Variants in EFNB2 observed in about 807,000 individuals in gnomAD.
EFNB2 encodes ephrin B2.
A neutral mutation model predicts 32.1 loss-of-function variants in EFNB2; 5 were observed. That is an observed-to-expected ratio of 0.16 (90% CI 0.08 to 0.33). The LOEUF is 0.33. Among genes scored for constraint, EFNB2 ranks in the 10% least tolerant of loss-of-function variants. The pLI is 1.00. For missense variants in EFNB2, 263 were observed against 422.6 expected (o/e 0.62, Z 3.31); for synonymous variants, 168 against 166.5 (o/e 1.01, Z -0.07).
intron 2 of EFNB2, among the ~76,000 whole-genome samples, chr13:106,501,097 C>T (rs979598849): frequency 6.6e-6 from 1 of 152,156 alleles, no homozygotes; most frequent in African/African-American, 2.4e-5. Flanking sequence ...TCAATTCAAA[C>T]TATGTACTCT....
In EFNB2 at chr13:106,493,469, C is replaced by G; in HGVS notation, c.614-41G>C. The stretch of plus-strand genomic sequence containing the variant: ...CAGAAAAGGTCAGAGATAGTTACTG[C>G]TGTCCCAGTGCAGACGGACTGCTTT... On this transcript the variant is annotated intron_variant, in intron 4 of 4. Transcript: ENST00000646441. This position sits in a 1 kb window ranked among gnomAD's most constrained non-coding sequence, Gnocchi z 6.1. 1 of 1,572,418 alleles carries G rather than the reference C, an allele frequency of 6.4e-7. No homozygotes were observed.
intron 1 of EFNB2, 47 bp downstream of exon 1, chr13:106,534,796 G>A (rs995546976): frequency 6.4e-7 from 1 of 1,571,960 alleles, no homozygotes; most frequent in Non-Finnish European, 8.6e-7. Flanking sequence ...CGGACGGCGC[G>A]GCGGACCCCG....
intron 2 of EFNB2, chr13:106,506,174 C>T (rs991518747): frequency 6.6e-6 from 1 of 152,188 alleles, no homozygotes; most frequent in African/African-American, 2.4e-5. Context: ...AGAAACAACG[C>T]TTCGAATTAT....
chr13:106,514,045 A>T (rs1879233408), intron 1 of EFNB2, among the ~76,000 whole-genome samples: 1 of 152,200 alleles, frequency 6.6e-6, no homozygotes, highest in African/African-American at 2.4e-5. Context: ...ACATAACAGA[A>T]ATCATACTAT....
intron 1 of EFNB2, chr13:106,516,376 A>T (rs1879312300): frequency 1.3e-5 from 2 of 152,218 alleles, no homozygotes; most frequent in Non-Finnish European, 2.9e-5. Context: ...AACCACTAAT[A>T]ATACAAACAC....
chr13:106,501,651 G>GGT (rs1432711813), intron 2 of EFNB2, among the ~76,000 whole-genome samples: 2 of 151,146 alleles, frequency 1.3e-5, no homozygotes, highest in Non-Finnish European at 2.9e-5. Flanking sequence ...GGAGTGCAGT[G>GGT]GTGTGATCTT....
At chr13:106,522,456 CTT>C (rs970590694) in intron 1 of EFNB2, among the ~76,000 whole-genome samples, 17 of 152,326 alleles carry the variant, frequency 1.1e-4, no homozygotes, top group African/African-American at 3.8e-4. Flanking sequence ...CTGGTTCTCT[CTT>C]GTTTTAGATA....
chr13:106,523,826 A>T (rs923768355), intron 1 of EFNB2, among the ~76,000 whole-genome samples: 1 of 152,204 alleles, frequency 6.6e-6, no homozygotes, highest in Admixed American at 6.5e-5. Flanking sequence ...GCTGGCACGG[A>T]TCCCAAAATC....
intron 1 of EFNB2, among the ~76,000 whole-genome samples, chr13:106,523,317 C>T (rs939551817): frequency 6.6e-6 from 1 of 152,148 alleles, no homozygotes; most frequent in Non-Finnish European, 1.5e-5. Flanking sequence ...ATAGAAACAG[C>T]GCTCCACTGT....
rs1878532808 is a variant in EFNB2, at chr13:106,494,739, C to T, written c.613+142G>A. ...ATTGAGTGTAATTAATAATGACTCA[C>T]TGACAGCAAAGATTCCTGATCACTG... On this transcript the variant is annotated intron_variant, in intron 4 of 4. Coordinates refer to ENST00000646441, the MANE Select transcript of EFNB2 (RefSeq NM_004093.4). 4 of 644,956 alleles carry T rather than the reference C, an allele frequency of 6.2e-6. No individual in the cohort carries two copies. In the Admixed American group the frequency reaches 1.1e-4, roughly 17 times the overall value. The allele number at this position is 644,956 out of a possible 1,614,324, so 40.0% of individuals were successfully genotyped here.
chr13:106,500,525 T>C, intron 2 of EFNB2, among the ~76,000 whole-genome samples: 1 of 152,192 alleles, frequency 6.6e-6, no homozygotes, highest in South Asian at 2.1e-4. Flanking sequence ...AGCAAGTATT[T>C]GTATCAACTC....
intron 2 of EFNB2, among the ~76,000 whole-genome samples, chr13:106,505,807 T>C (rs1415210750): frequency 6.6e-6 from 1 of 152,230 alleles, no homozygotes; most frequent in South Asian, 2.1e-4. Context: ...GATACCAAGA[T>C]ACATTTTATG....
At chr13:106,522,678 CCAT>C (rs1230989410) in intron 1 of EFNB2, among the ~76,000 whole-genome samples, 2 of 143,552 alleles carry the variant, frequency 1.4e-5, no homozygotes, top group Non-Finnish European at 3.1e-5. Context: ...TTCCTTCCTA[CCAT>C]CATATTTTTT....
intron 1 of EFNB2, among the ~76,000 whole-genome samples, chr13:106,531,298 A>T (rs1879864123): frequency 6.6e-6 from 1 of 152,248 alleles, no homozygotes; most frequent in African/African-American, 2.4e-5. Flanking sequence ...GCTTTAGCTT[A>T]GTCTTTGTGC....
At position 106,492,591 on chromosome 13, in the gene EFNB2, G is replaced by A. The variant is rs544622156; in HGVS notation, c.*449C>T. The A allele has an allele frequency of 1.2e-4, 20 of 168,298 alleles. No individual in the cohort carries two copies. Among genetic ancestry groups the A allele is most frequent in the African/African-American group, 3.6e-4 (15 of 42,190 alleles). The allele number at this position is 168,298 out of a possible 1,614,324, so 10.4% of individuals were successfully genotyped here. ...GATCTTTGCACACCTTAACTAGCCC[G>A]AGGTCCGTGTGACAAGTCCGGTATG... is the stretch of plus-strand genomic sequence containing the variant. On this transcript the variant is annotated 3_prime_UTR_variant, in exon 5 of 5. Coordinates refer to ENST00000646441, the MANE Select transcript of EFNB2 (RefSeq NM_004093.4). This position sits in a 1 kb window ranked among gnomAD's most constrained non-coding sequence, Gnocchi z 5.1.
rs1353228649 is a variant in EFNB2, at chr13:106,510,205, AAG to A, written c.406+2322_406+2323del. 3 of 152,354 alleles carry A rather than the reference AAG, an allele frequency of 2.0e-5. No homozygotes were observed. In the East Asian group the frequency reaches 5.8e-4, roughly 29 times the overall value. 9.4% of individuals were successfully genotyped at this position (152,354 alleles called of 1,614,324 possible). ...GTGTGGTATGAAGAGTTTCCAAAAA[AAG>A]AAAATAATAGATGTCGTTATTGTGT... On this transcript the variant is annotated intron_variant, in intron 2 of 4. Coordinates refer to ENST00000646441, the MANE Select transcript of EFNB2 (RefSeq NM_004093.4).
intron 1 of EFNB2, chr13:106,516,537 C>G (rs1879317534): frequency 1.3e-5 from 2 of 152,276 alleles, no homozygotes; most frequent in Admixed American, 1.3e-4. Flanking sequence ...AGCCCCCTTT[C>G]TCTGCACACA....
chr13:106,530,976 C>T (rs1396862086), intron 1 of EFNB2, among the ~76,000 whole-genome samples: 1 of 152,228 alleles, frequency 6.6e-6, no homozygotes, highest in Admixed American at 6.5e-5. Context: ...ACCATTCAAA[C>T]ACATAGTTTT....
intron 2 of EFNB2, chr13:106,509,820 G>A (rs1488828824): frequency 6.6e-6 from 1 of 152,108 alleles, no homozygotes; most frequent in East Asian, 1.9e-4. Context: ...CCTTTCTAGG[G>A]AAACTTGTAG....
Sources: gnomAD v4.1 joint callset for allele counts (sites outside exome capture counted in the v4.1 genomes callset) on GRCh38, gnomAD v4.1.1 for gene constraint, Gnocchi (gnomAD v3.1) non-coding constraint, MANE v1.5 for transcripts, NCBI Gene and HGNC (gene_info 2026-07-23, HGNC 2026-07-21) for gene names.